Variants in UNC13A observed in about 807,000 individuals in gnomAD.
UNC13A encodes the protein unc-13 homolog A.
A neutral mutation model predicts 219.7 loss-of-function variants in UNC13A; 61 were observed. The observed-to-expected ratio is 0.28, with a 90% confidence interval of 0.23 to 0.34. UNC13A has a LOEUF of 0.34. Among genes scored for constraint, UNC13A ranks in the 10% least tolerant of loss-of-function variants. The pLI is 1.00. For synonymous variants in UNC13A, 920 were observed against 884.6 expected, an observed-to-expected ratio of 1.04 and a Z score of -0.71; for missense variants, 1,476 against 2,270.3, an observed-to-expected ratio of 0.65 and a Z score of 7.11.
rs1322037816 is a variant in UNC13A at position 17,676,055 on chromosome 19, CAG to C, written c.23-16_23-15del. ...TGGCTTTTTTGACTGTGGAGAGAGA[CAG>C]AGATAGGGAAGGGAGGTGGGGAGAG... On this transcript the variant is annotated splice_polypyrimidine_tract_variant and intron_variant, in intron 1 of 43. Transcript: ENST00000519716. 1 of 1,551,282 alleles carries C rather than the reference CAG, an allele frequency of 6.4e-7. No individual in the cohort carries two copies. The highest frequency in any genetic ancestry group is 8.7e-7 in the Non-Finnish European group (1 of 1,146,922).
At chr19:17,672,285 T>C (rs932894741) in intron 4 of UNC13A, 93 bp downstream of exon 4, 22 of 969,732 alleles carry the variant, frequency 2.3e-5, no homozygotes, top group Non-Finnish European at 3.2e-5. Context: ...TGTCAGGGGA[T>C]AGGAGATAAA....
chr19:17,660,209 T>C (rs61645390), intron 8 of UNC13A, among the ~76,000 whole-genome samples: 30,461 of 151,932 alleles, frequency 0.2, 3,618 homozygotes, highest in African/African-American at 0.33. Context: ...CAGCATTCTT[T>C]CTATCCAATT....
At chr19:17,635,953 C>T (rs2076908995) in intron 26 of UNC13A, 71 bp downstream of exon 26, 4 of 1,512,772 alleles carry the variant, frequency 2.6e-6, no homozygotes, top group Middle Eastern at 1.8e-4. Flanking sequence ...CATCTTGACA[C>T]ACAAGACACA....
intron 41 of UNC13A, chr19:17,614,075 G>A (rs1034152018): frequency 2.0e-5 from 3 of 150,786 alleles, no homozygotes; most frequent in African/African-American, 7.3e-5. Context: ...GCACCATCTC[G>A]GCTCACTGCA....
At chr19:17,668,307 C>T in intron 5 of UNC13A, 117 bp from the exon 6 acceptor site, 1 of 954,600 alleles carries the variant, frequency 1.0e-6, no homozygotes, top group Non-Finnish European at 1.6e-6. Context: ...GGCAAAGCCT[C>T]AGAAGTAGGG....
At chr19:17,639,300 A>C (rs1442945699) in intron 24 of UNC13A, 83 bp from the exon 25 acceptor site, 1 of 1,593,860 alleles carries the variant, frequency 6.3e-7, no homozygotes, top group African/African-American at 1.3e-5. Flanking sequence ...TTTGGGTTTA[A>C]GGAAATGAAG....
Position 17,646,080 on chromosome 19 carries a change from G to A in UNC13A, c.2076C>T (p.Asp692=). 1.2e-6 allele frequency: 2 copies of A among 1,613,934 alleles called. No individual in the cohort carries two copies. The highest frequency in any genetic ancestry group is 1.7e-6 in the Non-Finnish European group (2 of 1,179,912). ...CATAGGGGTCACTGGATCCTGTCTT[G>A]TCCTTTGCCTGCAAGCCCTGGGCGC... The part of the protein sequence containing the change: ...VVCAQGLQAK[D]KTGSSDPYVT... The change falls in exon 18 of 44, where the codon GAC becomes GAT. Residue 692 remains aspartate, a synonymous_variant. Transcript: ENST00000519716.
At chr19:17,657,466 A>G (rs1004808457) in intron 9 of UNC13A, among the ~76,000 whole-genome samples, 1 of 152,158 alleles carries the variant, frequency 6.6e-6, no homozygotes, top group African/African-American at 2.4e-5. Context: ...GATCGTGCTC[A>G]ACGTCAACAG....
chr19:17,611,613 T>G (rs2076604378), intron 42 of UNC13A, 150 bp downstream of exon 42: 5 of 630,332 alleles, frequency 7.9e-6, no homozygotes, highest in Non-Finnish European at 1.1e-5. Context: ...CACTGCTGGA[T>G]CCAGCCATGC....
intron 19 of UNC13A, 39 bp from the exon 20 acceptor site, chr19:17,642,999 A>G: frequency 1.3e-6 from 2 of 1,529,502 alleles, no homozygotes; most frequent in East Asian, 2.4e-5. Flanking sequence ...AGAACTTCCC[A>G]CTATAGCAGT....
At chr19:17,646,216 A>G in intron 17 of UNC13A, 105 bp from the exon 18 acceptor site, 2 of 1,493,176 alleles carry the variant, frequency 1.3e-6, no homozygotes, top group East Asian at 2.3e-5. Flanking sequence ...CACCTGCAGC[A>G]TGGCTGGAGA....
chr19:17,656,839 C>T (rs1392110824), intron 9 of UNC13A, among the ~76,000 whole-genome samples: 2 of 112,890 alleles, frequency 1.8e-5, no homozygotes, highest in Non-Finnish European at 3.4e-5. Flanking sequence ...GCAACAAGAG[C>T]GAAATTCCGT....
At chr19:17,628,174 A>T in intron 31 of UNC13A, 1 of 475,812 alleles carries the variant, frequency 2.1e-6, no homozygotes, top group Non-Finnish European at 3.8e-6. Context: ...TAATCCCACG[A>T]CCCCAGGCCT....
At chr19:17,653,821 C>CTTTTTT (rs57243215) in intron 11 of UNC13A, among the ~76,000 whole-genome samples, 1 of 78,256 alleles carries the variant, frequency 1.3e-5, no homozygotes, top group African/African-American at 5.4e-5. Context: ...TATCACTTCT[C>CTTTTTT]TTTTTTTTTT....
intron 26 of UNC13A, among the ~76,000 whole-genome samples, chr19:17,635,057 G>C (rs2076899108): frequency 1.3e-5 from 2 of 152,040 alleles, no homozygotes; most frequent in Non-Finnish European, 2.9e-5. Context: ...TTTTAGTAGA[G>C]ACAAGGTTTC....
Position 17,649,047 on chromosome 19 carries a change from T to C in UNC13A, c.1525-64A>G. 2 of 1,497,206 alleles carry C rather than the reference T, an allele frequency of 1.3e-6. No individual in the cohort carries two copies. The highest frequency in any genetic ancestry group is 2.5e-5 in the East Asian group (1 of 40,588). The allele number at this position is 1,497,206 out of a possible 1,614,324, so 92.7% of individuals were successfully genotyped here. On this transcript the variant is annotated intron_variant, in intron 14 of 43. Coordinates refer to ENST00000519716, the MANE Select transcript of UNC13A (RefSeq NM_001080421.3). This position sits in a 1 kb window ranked among gnomAD's most constrained non-coding sequence, Gnocchi z 4.4. ...ATCCATGAGATCACCACCAGGAGAG[T>C]TCACAGCCACGGATGGGGCCAGCAG...
At chr19:17,682,234 G>A (rs529386730) in intron 1 of UNC13A, among the ~76,000 whole-genome samples, 3 of 152,250 alleles carry the variant, frequency 2.0e-5, no homozygotes, top group African/African-American at 7.2e-5. Context: ...GATTACAGGC[G>A]TGAGCCACCG....
intron 26 of UNC13A, among the ~76,000 whole-genome samples, chr19:17,633,615 A>G (rs1018637605): frequency 2.0e-5 from 3 of 151,628 alleles, no homozygotes; most frequent in East Asian, 1.9e-4. Context: ...GCAACTATCT[A>G]TCCCTCCACC....
intron 31 of UNC13A, among the ~76,000 whole-genome samples, chr19:17,628,519 C>T (rs1435175602): frequency 6.6e-6 from 1 of 151,724 alleles, no homozygotes; most frequent in Non-Finnish European, 1.5e-5. Flanking sequence ...CCAGACAAAA[C>T]ACGGTCACAC....
Sources: allele counts gnomAD v4.1 joint callset (sites outside exome capture counted in the v4.1 genomes callset), GRCh38; gene constraint gnomAD v4.1.1; non-coding constraint Gnocchi (gnomAD v3.1); transcripts MANE v1.5; gene names NCBI Gene and HGNC (gene_info 2026-07-23, HGNC 2026-07-21).